The following OSBPL3 variants were observed in gnomAD, a reference collection of about 807,000 sequenced individuals.
OSBPL3 encodes the protein oxysterol-binding protein-related protein 3.
OSBPL3 carries 65 observed loss-of-function variants against 120.1 expected under a neutral mutation model. That is an observed-to-expected ratio of 0.54 (90% CI 0.44 to 0.67). The LOEUF (loss-of-function observed/expected upper bound fraction) is 0.67. Ranked by LOEUF, OSBPL3 falls within the 30% of genes least tolerant of loss-of-function variation. The pLI is 0.00. For synonymous variants in OSBPL3, 416 were observed against 402.6 expected (o/e 1.03, Z -0.40); for missense variants, 1,004 against 1,082.1 (o/e 0.93, Z 1.01).
chr7:24,834,463 G>T lies in OSBPL3; in HGVS notation c.1746+23C>A. 1 of 1,597,264 alleles carries T rather than the reference G, an allele frequency of 6.3e-7. No individual in the cohort carries two copies. The highest frequency in any genetic ancestry group is 1.1e-5 in the South Asian group (1 of 87,948). On this transcript the variant is annotated intron_variant, in intron 15 of 22. Coordinates refer to ENST00000313367, the MANE Select transcript of OSBPL3 (RefSeq NM_015550.4). This position sits in a 1 kb window ranked among gnomAD's most constrained non-coding sequence, Gnocchi z 5.2. ...GCTTGGGGACCGAGGCTGGACAGTG[G>T]CAAGGGAAGGCTGACTCCTCACCAT... is the stretch of plus-strand genomic sequence containing the variant.
Position 24,930,977 on chromosome 7 carries a change from T to C in OSBPL3, c.-149-38356A>G, listed in dbSNP as rs1811720490. On this transcript the variant is annotated intron_variant, in intron 1 of 22. Coordinates refer to ENST00000313367, the MANE Select transcript of OSBPL3 (RefSeq NM_015550.4). This position sits in a 1 kb window ranked among gnomAD's most constrained non-coding sequence, Gnocchi z 4.4. ...TAACATTCTCACAGGAAGTACGTGT[T>C]CAGAGGCAAAAAGTGAGCTGTGGGA... is the stretch of plus-strand genomic sequence containing the variant. Among the ~76,000 whole-genome samples, 1 of 152,196 alleles carries C rather than the reference T, an allele frequency of 6.6e-6. No homozygotes were observed. Among genetic ancestry groups the C allele is most frequent in the Non-Finnish European group, 1.5e-5 (1 of 68,040 alleles).
Position 24,933,245 on chromosome 7 carries a change from T to C in OSBPL3, c.-149-40624A>G, listed in dbSNP as rs1255422938. 6.6e-6 allele frequency among the ~76,000 whole-genome samples: 1 copy of C among 152,178 alleles called. No homozygotes were observed. Among genetic ancestry groups the C allele is most frequent in the Admixed American group, 6.5e-5 (1 of 15,288 alleles). On this transcript the variant is annotated intron_variant, in intron 1 of 22. Coordinates refer to ENST00000313367, the MANE Select transcript of OSBPL3 (RefSeq NM_015550.4). This position sits in a 1 kb window ranked among gnomAD's most constrained non-coding sequence, Gnocchi z 5.1. ...AGGAGAAAAGATCATGAGTACCACC[T>C]GCAAACTCCCAAAAAGGCAGTCAAA...
At chr7:24,945,372 C>T (rs539760227) in intron 1 of OSBPL3, among the ~76,000 whole-genome samples, 1 of 152,268 alleles carries the variant, frequency 6.6e-6, no homozygotes, top group East Asian at 1.9e-4. Context: ...TTTATTCATT[C>T]AACATAGACT....
chr7:24,800,311 C>G, intron 22 of OSBPL3, 32 bp from the exon 23 acceptor site: 1 of 1,298,908 alleles, frequency 7.7e-7, no homozygotes, highest in Non-Finnish European at 1.1e-6. Flanking sequence ...CTTGCAGACT[C>G]TTGAAACCAG....
At chr7:24,924,081 G>A (rs902549354) in intron 1 of OSBPL3, among the ~76,000 whole-genome samples, 7 of 152,056 alleles carry the variant, frequency 4.6e-5, no homozygotes, top group Non-Finnish European at 1.0e-4. Flanking sequence ...GTTTATAATA[G>A]GAAAAAGTGT....
chr7:24,854,650 T>C lies in OSBPL3; in HGVS notation c.1028-2016A>G, dbSNP rs918031799. ...TAGCTCCTTGCTTTAAACAATTTAATTGAGCAAAATAATGGGCAGGACAAC... is the reference window on the plus strand; with the variant it reads ...TAGCTCCTTGCTTTAAACAATTTAACTGAGCAAAATAATGGGCAGGACAAC... On this transcript the variant is annotated intron_variant, in intron 10 of 22. Transcript: ENST00000313367. This position sits in a 1 kb window ranked among gnomAD's most constrained non-coding sequence, Gnocchi z 4.1. Among the ~76,000 whole-genome samples, 2 of 152,076 alleles carry C rather than the reference T, an allele frequency of 1.3e-5. No individual in the cohort carries two copies. Among genetic ancestry groups the C allele is most frequent in the African/African-American group, 2.4e-5 (1 of 41,398 alleles).
At chr7:24,897,533 G>GC (rs1259729946) in intron 1 of OSBPL3, among the ~76,000 whole-genome samples, 1 of 151,794 alleles carries the variant, frequency 6.6e-6, no homozygotes, top group Admixed American at 6.6e-5. Context: ...CACCGTGTTA[G>GC]CCAGGATGGT....
intron 1 of OSBPL3, among the ~76,000 whole-genome samples, chr7:24,917,423 T>TATATATATATATATAC (rs1809788788): frequency 7.1e-6 from 1 of 141,800 alleles, no homozygotes; most frequent in Non-Finnish European, 1.5e-5. Context: ...TATATATATA[T>TATATATATATATATAC]ATATTTGTAA....
At chr7:24,927,039 A>T (rs1230926545) in intron 1 of OSBPL3, among the ~76,000 whole-genome samples, 4 of 152,238 alleles carry the variant, frequency 2.6e-5, no homozygotes, top group African/African-American at 9.6e-5. Context: ...TGAGCTTTGG[A>T]TTCCAAGAGT....
intron 1 of OSBPL3, among the ~76,000 whole-genome samples, chr7:24,975,528 A>G (rs979546935): frequency 1.3e-5 from 2 of 152,236 alleles, no homozygotes; most frequent in Non-Finnish European, 2.9e-5. Flanking sequence ...TATAATTAAT[A>G]CTTTTTTCAA....
rs1372325632 is a variant in OSBPL3 at position 24,797,242 on chromosome 7, G to A, written c.*2941C>T. The A allele has an allele frequency of 6.6e-6, 1 of 152,194 alleles. No homozygotes were observed. The highest frequency in any genetic ancestry group is 1.5e-5 in the Non-Finnish European group (1 of 68,038). The allele number at this position is 152,194 out of a possible 1,614,324, so 9.4% of individuals were successfully genotyped here. The stretch of plus-strand genomic sequence containing the variant: ...GACAGTGCTTGAAGCCCAAACAAAT[G>A]ATTTACTACAAGTAATTAAAAGCAG... On this transcript the variant is annotated 3_prime_UTR_variant, in exon 23 of 23. Transcript: ENST00000313367. This position sits in a 1 kb window ranked among gnomAD's most constrained non-coding sequence, Gnocchi z 4.8.
At chr7:24,977,053 C>T (rs1025237749) in intron 1 of OSBPL3, among the ~76,000 whole-genome samples, 10 of 151,760 alleles carry the variant, frequency 6.6e-5, no homozygotes, top group African/African-American at 2.4e-4. Context: ...GAATTAGTAG[C>T]AGTTTCTAAC....
At chr7:24,956,905 ATTTC>A (rs1237650515) in intron 1 of OSBPL3, among the ~76,000 whole-genome samples, 1 of 151,906 alleles carries the variant, frequency 6.6e-6, no homozygotes, top group African/African-American at 2.4e-5. Context: ...GTTCTACTGA[ATTTC>A]TAGTTTTTTT....
chr7:24,884,772 C>T (rs1216497620), intron 2 of OSBPL3, among the ~76,000 whole-genome samples: 2 of 152,096 alleles, frequency 1.3e-5, no homozygotes, highest in East Asian at 3.9e-4. Context: ...TTATAAACAG[C>T]CGGAGATTCA....
intron 9 of OSBPL3, 112 bp from the exon 10 acceptor site, chr7:24,861,881 GGT>G: frequency 1.8e-6 from 1 of 553,752 alleles, no homozygotes; most frequent in South Asian, 3.1e-5. Flanking sequence ...TTTATAGGTA[GGT>G]CTTTTTTTTT....
rs1010747002 is a variant in OSBPL3 at position 24,819,545 on chromosome 7, T to C, written c.1948+630A>G. On this transcript the variant is annotated intron_variant, in intron 17 of 22. Coordinates refer to ENST00000313367, the MANE Select transcript of OSBPL3 (RefSeq NM_015550.4). The surrounding 1 kb of genome is among the most constrained non-coding windows in gnomAD (Gnocchi z 4.1). ...TTTAAAGTTTAATAGACTGCGTGTGTGTGTGTGCCTGTGTGTGTAAAGGTA... is the reference window on the plus strand; with the variant it reads ...TTTAAAGTTTAATAGACTGCGTGTGCGTGTGTGCCTGTGTGTGTAAAGGTA... 1.3e-5 allele frequency among the ~76,000 whole-genome samples: 2 copies of C among 152,186 alleles called. No individual in the cohort carries two copies. Among genetic ancestry groups the C allele is most frequent in the Non-Finnish European group, 2.9e-5 (2 of 68,048 alleles).
rs1365968966 is a variant in OSBPL3 at position 24,835,117 on chromosome 7, C to T, written c.1496-381G>A. Among the ~76,000 whole-genome samples, 4 of 152,110 alleles carry T rather than the reference C, an allele frequency of 2.6e-5. No individual in the cohort carries two copies. In the South Asian group the frequency reaches 6.2e-4, roughly 24 times the overall value. On this transcript the variant is annotated intron_variant, in intron 14 of 22. Coordinates refer to ENST00000313367, the MANE Select transcript of OSBPL3 (RefSeq NM_015550.4). The surrounding 1 kb of genome is among the most constrained non-coding windows in gnomAD (Gnocchi z 4.8). ...TCTGGTAAAACAATTGTGTTTATTA[C>T]AGGAAAACTATAAAGGAAATAATGG...
intron 16 of OSBPL3, among the ~76,000 whole-genome samples, chr7:24,829,822 C>T (rs112778282): frequency 2.8e-4 from 42 of 151,094 alleles, no homozygotes; most frequent in Non-Finnish European, 6.0e-4. Context: ...GTAAATAATC[C>T]CCTGTTGACA....
At chr7:24,864,071 A>G (rs543938389) in intron 7 of OSBPL3, among the ~76,000 whole-genome samples, 144 of 152,340 alleles carry the variant, frequency 9.5e-4, no homozygotes, top group Non-Finnish European at 1.8e-3. Flanking sequence ...CCCAATGCAC[A>G]TTAATAAAAC....
Sources: gnomAD v4.1 joint callset for allele counts (sites outside exome capture counted in the v4.1 genomes callset) on GRCh38, gnomAD v4.1.1 for gene constraint, Gnocchi (gnomAD v3.1) non-coding constraint, MANE v1.5 for transcripts, NCBI Gene and HGNC (gene_info 2026-07-23, HGNC 2026-07-21) for gene names.